The following ARHGEF18 variants were observed in gnomAD, a reference collection of about 807,000 sequenced individuals.
ARHGEF18 encodes Rho/Rac guanine nucleotide exchange factor 18.
ARHGEF18 carries 93 observed loss-of-function variants against 155.7 expected under a neutral mutation model. The observed-to-expected ratio is 0.60, with a 90% CI of 0.50 to 0.71. The LOEUF (loss-of-function observed/expected upper bound fraction) is 0.71. Among genes scored for constraint, ARHGEF18 ranks in the 30% least tolerant of loss-of-function variants. ARHGEF18 has a pLI of 0.00. For synonymous variants in ARHGEF18, 742 were observed against 753.1 expected, an observed-to-expected ratio of 0.99 and a Z score of 0.24; for missense variants, 1,593 against 1,816.1, an observed-to-expected ratio of 0.88 and a Z score of 2.23.
downstream of ARHGEF18, chr19:7,477,055 C>T: frequency 1.5e-6 from 1 of 671,772 alleles, no homozygotes; most frequent in South Asian, 3.6e-5. Context: ...GCCTGGGGGA[C>T]CTCGCATCAG....
At chr19:7,382,322 G>C (rs1970784359) in intron 8 of ARHGEF18, among the ~76,000 whole-genome samples, 1 of 152,028 alleles carries the variant, frequency 6.6e-6, no homozygotes, top group Non-Finnish European at 1.5e-5. Flanking sequence ...CTTGAACCTG[G>C]AGGCAGAGGC....
chr19:7,429,965 CT>C lies in ARHGEF18; in HGVS notation c.968-10366del, dbSNP rs539476076. Among the ~76,000 whole-genome samples, 517 of 143,832 alleles carry C rather than the reference CT, an allele frequency of 3.6e-3. 2 individuals carry two copies. Among genetic ancestry groups the C allele is most frequent in the Non-Finnish European group, 3.6e-3 (238 of 65,298 alleles). The allele number at this position is 143,832 out of a possible 152,430, so 94.4% of individuals were successfully genotyped here. On this transcript the variant is annotated intron_variant, in intron 10 of 28. Coordinates refer to ENST00000668164, the MANE Select transcript of ARHGEF18 (RefSeq NM_001367823.1). ...TTAAATCGACTTGTGCCTCAATATA[CT>C]TTTTTTTTTTTTAAGGAAACTATTG...
chr19:7,367,051 G>A (rs886401882), intron 2 of ARHGEF18, among the ~76,000 whole-genome samples: 6 of 151,848 alleles, frequency 4.0e-5, no homozygotes, highest in South Asian at 2.1e-4. Flanking sequence ...TGTGAGCCAC[G>A]GCCCTGGCCC....
At chr19:7,406,446 G>A (rs75387087) in intron 10 of ARHGEF18, among the ~76,000 whole-genome samples, 3,500 of 152,218 alleles carry the variant, frequency 0.023, 146 homozygotes, top group African/African-American at 0.077. Context: ...TTGCCAAAAC[G>A]TATGAGTAGG....
intron 11 of ARHGEF18, among the ~76,000 whole-genome samples, chr19:7,441,136 C>T (rs1242849431): frequency 1.3e-5 from 2 of 150,910 alleles, no homozygotes; most frequent in Non-Finnish European, 3.0e-5. Context: ...GGAAGAAATC[C>T]TGATGTGACA....
chr19:7,420,171 C>G (rs771070149), intron 10 of ARHGEF18, among the ~76,000 whole-genome samples: 26 of 152,168 alleles, frequency 1.7e-4, no homozygotes, highest in Non-Finnish European at 3.5e-4. Context: ...CCAGGCTGGT[C>G]TTGAACTCCT....
intron 2 of ARHGEF18, among the ~76,000 whole-genome samples, chr19:7,368,293 G>A (rs996548824): frequency 6.6e-6 from 1 of 152,030 alleles, no homozygotes; most frequent in Non-Finnish European, 1.5e-5. Context: ...ATTTGATGGG[G>A]GATCCCATCC....
rs548305968 is a variant in ARHGEF18 at position 7,378,684 on chromosome 19, C to CTTTTTT, written c.599+254_599+259dup. ...ATGTAGCCTTGGGAGACAATTGTGG[C>CTTTTTT]TTTTTTTTTTTTTTTTTTTTTTTTT... On this transcript the variant is annotated intron_variant, in intron 6 of 28. Transcript: ENST00000668164. Among the ~76,000 whole-genome samples the CTTTTTT allele has an allele frequency of 5.7e-5, 5 of 88,134 alleles. 2 individuals are homozygous for CTTTTTT. Among genetic ancestry groups the CTTTTTT allele is most frequent in the East Asian group, 9.6e-4 (2 of 2,084 alleles). 57.8% of individuals were successfully genotyped at this position (88,134 alleles called of 152,430 possible).
At chr19:7,461,486 G>A (rs927522661) in intron 20 of ARHGEF18, among the ~76,000 whole-genome samples, 4 of 152,084 alleles carry the variant, frequency 2.6e-5, no homozygotes, top group Non-Finnish European at 2.9e-5. Flanking sequence ...GGAGGTGGAG[G>A]TTGCAGTGAG....
chr19:7,434,556 A>G (rs78290157), intron 10 of ARHGEF18, among the ~76,000 whole-genome samples: 7,163 of 152,268 alleles, frequency 0.047, 278 homozygotes, highest in Non-Finnish European at 0.07. Context: ...GGCGCTAATT[A>G]GACTCTGAGT....
chr19:7,424,103 C>T (rs943491175), intron 10 of ARHGEF18, among the ~76,000 whole-genome samples: 4 of 151,892 alleles, frequency 2.6e-5, no homozygotes, highest in African/African-American at 4.8e-5. Flanking sequence ...CTCGGCTGAC[C>T]GCAACCTCCA....
intron 1 of ARHGEF18, among the ~76,000 whole-genome samples, chr19:7,351,016 C>T (rs1015057413): frequency 6.6e-6 from 1 of 152,106 alleles, no homozygotes; most frequent in Non-Finnish European, 1.5e-5. Context: ...ATTGGTTAGG[C>T]TGGTCTTGAA....
intron 7 of ARHGEF18, among the ~76,000 whole-genome samples, chr19:7,380,450 G>C (rs1255496293): frequency 6.7e-6 from 1 of 149,542 alleles, no homozygotes; most frequent in Non-Finnish European, 1.5e-5. Flanking sequence ...CCACACTCCA[G>C]CCTGGGTGAC....
chr19:7,450,709 G>T (rs1424847995), intron 15 of ARHGEF18, among the ~76,000 whole-genome samples: 1 of 152,298 alleles, frequency 6.6e-6, no homozygotes, highest in Non-Finnish European at 1.5e-5. Flanking sequence ...TTTCCGAGAT[G>T]TTAATGCAAG....
At chr19:7,417,422 G>C (rs1324495542) in intron 10 of ARHGEF18, among the ~76,000 whole-genome samples, 1 of 152,152 alleles carries the variant, frequency 6.6e-6, no homozygotes, top group Non-Finnish European at 1.5e-5. Flanking sequence ...AGTTGGCCCA[G>C]CACAGTGGCT....
intron 10 of ARHGEF18, among the ~76,000 whole-genome samples, chr19:7,433,857 TA>T (rs1010743013): frequency 2.4e-4 from 36 of 151,526 alleles, no homozygotes; most frequent in African/African-American, 8.7e-4. Context: ...CTATCTCTAC[TA>T]AAAATACAAA....
chr19:7,471,137 T>A lies in ARHGEF18; in HGVS notation c.*839T>A, dbSNP rs894678453. The A allele has an allele frequency of 1.1e-5, 3 of 263,954 alleles. No individual in the cohort carries two copies. Among genetic ancestry groups the A allele is most frequent in the Non-Finnish European group, 2.1e-5 (3 of 140,880 alleles). 16.4% of individuals were successfully genotyped at this position (263,954 alleles called of 1,614,324 possible). On this transcript the variant is annotated 3_prime_UTR_variant, in exon 29 of 29. Coordinates refer to ENST00000668164, the MANE Select transcript of ARHGEF18 (RefSeq NM_001367823.1). The surrounding 1 kb of genome is among the most constrained non-coding windows in gnomAD (Gnocchi z 4.4). ...CTTCAGCCAGGGCGGGTACACACCC[T>A]GGGCACAGGGTCCTCAGCCCCCGGG...
At chr19:7,445,068 T>C (rs890465967) in intron 14 of ARHGEF18, among the ~76,000 whole-genome samples, 9 of 152,244 alleles carry the variant, frequency 5.9e-5, no homozygotes, top group African/African-American at 1.2e-4. Flanking sequence ...CTGAACACTA[T>C]TCAATGTTAC....
At chr19:7,393,172 C>T (rs1971505672) in intron 10 of ARHGEF18, among the ~76,000 whole-genome samples, 1 of 151,962 alleles carries the variant, frequency 6.6e-6, no homozygotes, top group South Asian at 2.1e-4. Flanking sequence ...AGTTTCTGAC[C>T]TCAGCTGCAG....
Sources: allele counts gnomAD v4.1 joint callset (sites outside exome capture counted in the v4.1 genomes callset), GRCh38; gene constraint gnomAD v4.1.1; non-coding constraint Gnocchi (gnomAD v3.1); transcripts MANE v1.5; gene names NCBI Gene and HGNC (gene_info 2026-07-23, HGNC 2026-07-21).